Variants in KCNH1 observed in about 807,000 individuals in gnomAD.
KCNH1 encodes the protein potassium voltage-gated channel subfamily H member 1.
Under a neutral mutation model 69.2 loss-of-function variants are expected in KCNH1, and 27 were observed. That is an observed-to-expected ratio of 0.39 (90% CI 0.29 to 0.54). The LOEUF is 0.54. Among genes scored for constraint, KCNH1 ranks in the 20% least tolerant of loss-of-function variants. The pLI is 0.68. For missense variants in KCNH1, 798 were observed against 1,261.6 expected (o/e 0.63, Z 5.57); for synonymous variants, 456 against 487.7 (o/e 0.93, Z 0.86).
At chr1:211,065,814 C>G (rs1480902793) in intron 5 of KCNH1, among the ~76,000 whole-genome samples, 2 of 152,070 alleles carry the variant, frequency 1.3e-5, no homozygotes, top group Admixed American at 6.5e-5. Flanking sequence ...ATTCCCAGAA[C>G]TTTAGGAGGC....
chr1:210,811,864 C>T (rs1417063927), intron 7 of KCNH1, among the ~76,000 whole-genome samples: 1 of 152,120 alleles, frequency 6.6e-6, no homozygotes. Flanking sequence ...AGGCCAGAAC[C>T]CAGGATCTGA....
intron 10 of KCNH1, among the ~76,000 whole-genome samples, chr1:210,695,928 C>T (rs1353514002): frequency 6.6e-6 from 1 of 152,220 alleles, no homozygotes; most frequent in African/African-American, 2.4e-5. Context: ...GCAGCTCTGG[C>T]AGACTGACAG....
intron 10 of KCNH1, among the ~76,000 whole-genome samples, chr1:210,719,976 T>A (rs1364366002): frequency 6.6e-6 from 1 of 152,170 alleles, no homozygotes; most frequent in Non-Finnish European, 1.5e-5. Flanking sequence ...TGTGTGTCCC[T>A]CCCGTCTTTC....
chr1:210,709,328 C>T (rs972727692), intron 10 of KCNH1, among the ~76,000 whole-genome samples: 8 of 152,072 alleles, frequency 5.3e-5, no homozygotes, highest in Non-Finnish European at 2.9e-5. Flanking sequence ...TGGGGTGATG[C>T]GGCAGAAGCC....
chr1:210,974,755 G>T (rs1427582092), intron 6 of KCNH1, among the ~76,000 whole-genome samples: 1 of 151,678 alleles, frequency 6.6e-6, no homozygotes, highest in Admixed American at 6.6e-5. Flanking sequence ...GTAAAGACGG[G>T]GTTTCACTGT....
At chr1:211,011,439 T>C (rs1342776546) in intron 6 of KCNH1, among the ~76,000 whole-genome samples, 1 of 152,214 alleles carries the variant, frequency 6.6e-6, no homozygotes, top group Admixed American at 6.5e-5. Flanking sequence ...AATAAACATA[T>C]GTGTGCCTGT....
intron 10 of KCNH1, among the ~76,000 whole-genome samples, chr1:210,765,437 G>A (rs1047128696): frequency 6.6e-6 from 1 of 152,200 alleles, no homozygotes; most frequent in Non-Finnish European, 1.5e-5. Flanking sequence ...TATGGGCTTG[G>A]TGATTGCCAG....
intron 9 of KCNH1, among the ~76,000 whole-genome samples, chr1:210,784,198 C>G (rs17260802): frequency 2.0e-5 from 3 of 152,206 alleles, no homozygotes; most frequent in Non-Finnish European, 4.4e-5. Context: ...TGATTTTGAA[C>G]ACTTAATAAC....
chr1:210,843,091 G>A (rs1463210370), intron 7 of KCNH1, among the ~76,000 whole-genome samples: 1 of 152,162 alleles, frequency 6.6e-6, no homozygotes, highest in African/African-American at 2.4e-5. Flanking sequence ...ATCATTCAAA[G>A]TCATCTAATA....
At chr1:210,981,068 T>C (rs1403569615) in intron 6 of KCNH1, among the ~76,000 whole-genome samples, 2 of 152,168 alleles carry the variant, frequency 1.3e-5, no homozygotes, top group East Asian at 3.9e-4. Context: ...TAAGCAATCC[T>C]TTGGCTTTCC....
chr1:211,024,197 A>T (rs538158930), intron 5 of KCNH1, among the ~76,000 whole-genome samples: 147 of 152,344 alleles, frequency 9.6e-4, no homozygotes, highest in Non-Finnish European at 1.7e-3. Context: ...TAGCAGACAA[A>T]TCAAAATCAT....
intron 7 of KCNH1, among the ~76,000 whole-genome samples, chr1:210,832,038 A>C (rs1685171765): frequency 6.6e-6 from 1 of 152,162 alleles, no homozygotes; most frequent in African/African-American, 2.4e-5. Flanking sequence ...TGAATGGTTC[A>C]GATTTAGGGA....
In KCNH1 at chr1:211,133,444, C is replaced by G. The variant is rs12406301; in HGVS notation, c.79+423G>C. The G allele has an allele frequency of 0.2, 29,977 of 153,340 alleles. 3,307 individuals are homozygous for G. The highest frequency in any genetic ancestry group is 0.3 in the African/African-American group (12,358 of 41,574). 9.5% of individuals were successfully genotyped at this position (153,340 alleles called of 1,614,324 possible). On this transcript the variant is annotated intron_variant, in intron 1 of 10. Transcript: ENST00000271751. The surrounding 1 kb of genome is among the most constrained non-coding windows in gnomAD (Gnocchi z 5.4). The stretch of plus-strand genomic sequence containing the variant: ...TGGAGTTGCCCGTCTCTACTGCTGG[C>G]TCTCCCTGGGGAGAGGCGGCGCCTC...
chr1:210,705,247 A>G (rs569523624), intron 10 of KCNH1, among the ~76,000 whole-genome samples: 58 of 152,332 alleles, frequency 3.8e-4, no homozygotes, highest in African/African-American at 1.4e-3. Context: ...AGAGGAGGCC[A>G]GTTTGCAGGC....
At chr1:210,862,265 TA>T in intron 7 of KCNH1, 1 of 1,023,576 alleles carries the variant, frequency 9.8e-7, no homozygotes, top group Non-Finnish European at 1.5e-6. Context: ...AGGGCCTCGA[TA>T]ATGGTGTTGG....
intron 10 of KCNH1, among the ~76,000 whole-genome samples, chr1:210,715,486 G>T (rs1462553599): frequency 6.7e-6 from 1 of 148,986 alleles, no homozygotes; most frequent in African/African-American, 2.5e-5. Context: ...GCACAATATA[G>T]CAAGACCCTG....
chr1:210,767,840 C>A (rs182628854), intron 10 of KCNH1, among the ~76,000 whole-genome samples: 226 of 152,350 alleles, frequency 1.5e-3, no homozygotes, highest in Non-Finnish European at 2.2e-3. Flanking sequence ...GTGGTAAACA[C>A]TGTATGTAAC....
chr1:210,950,638 T>C (rs1389392422), intron 6 of KCNH1, among the ~76,000 whole-genome samples: 2 of 152,092 alleles, frequency 1.3e-5, no homozygotes, highest in African/African-American at 2.4e-5. Flanking sequence ...TTTGGGTTGG[T>C]TCCAAGTCTT....
chr1:211,003,835 G>A (rs1344505561), intron 6 of KCNH1, among the ~76,000 whole-genome samples: 7 of 152,108 alleles, frequency 4.6e-5, no homozygotes, highest in Non-Finnish European at 8.8e-5. Flanking sequence ...GCCGGGTGCG[G>A]ATAATCCCAG....
Sources: gnomAD v4.1 joint callset for allele counts (sites outside exome capture counted in the v4.1 genomes callset) on GRCh38, gnomAD v4.1.1 for gene constraint, Gnocchi (gnomAD v3.1) non-coding constraint, MANE v1.5 for transcripts, NCBI Gene and HGNC (gene_info 2026-07-23, HGNC 2026-07-21) for gene names.